The following LRRC4C variants were observed in gnomAD, a reference collection of about 807,000 sequenced individuals.
LRRC4C encodes the protein leucine rich repeat containing 4C.
LRRC4C carries 5 observed loss-of-function variants against 33.6 expected under a neutral mutation model. The ratio of observed to expected loss-of-function variants is 0.15; its 90% CI spans 0.08 to 0.31. The LOEUF (loss-of-function observed/expected upper bound fraction) is 0.31. LRRC4C is among the 10% of genes least tolerant of loss of function. LRRC4C has a pLI of 1.00. For missense variants in LRRC4C, 560 were observed against 796.7 expected (o/e 0.70, Z 3.58); for synonymous variants, 329 against 302.0 (o/e 1.09, Z -0.93).
intron 4 of LRRC4C, among the ~76,000 whole-genome samples, chr11:40,314,156 G>C (rs558139801): frequency 1.3e-5 from 2 of 151,396 alleles, no homozygotes; most frequent in South Asian, 4.2e-4. Context: ...CATCCTGACA[G>C]CAAAAAATAA....
intron 1 of LRRC4C, among the ~76,000 whole-genome samples, chr11:41,010,185 T>C (rs955455352): frequency 6.6e-6 from 1 of 152,158 alleles, no homozygotes; most frequent in Non-Finnish European, 1.5e-5. Flanking sequence ...ATAACACATT[T>C]ATGTTATTTT....
chr11:41,222,054 A>G (rs1004002613), intron 1 of LRRC4C, among the ~76,000 whole-genome samples: 1 of 152,226 alleles, frequency 6.6e-6, no homozygotes, highest in African/African-American at 2.4e-5. Flanking sequence ...GAGTAGAAGA[A>G]TGGTGAATTA....
chr11:40,929,953 A>G (rs1297520082), intron 2 of LRRC4C, among the ~76,000 whole-genome samples: 1 of 152,198 alleles, frequency 6.6e-6, no homozygotes. Context: ...AATCAATATG[A>G]AGCTAATTTA....
intron 3 of LRRC4C, among the ~76,000 whole-genome samples, chr11:40,571,328 T>A (rs144796572): frequency 0.056 from 8,450 of 152,202 alleles, 294 homozygotes; most frequent in Admixed American, 0.12. Flanking sequence ...AATTTTTTTT[T>A]AAATTTTTAG....
At chr11:41,024,937 T>G (rs1856238614) in intron 1 of LRRC4C, among the ~76,000 whole-genome samples, 1 of 151,616 alleles carries the variant, frequency 6.6e-6, no homozygotes, top group Non-Finnish European at 1.5e-5. Context: ...TGTTATTATA[T>G]CTGTTATGGT....
chr11:41,084,414 T>G (rs927246580), intron 1 of LRRC4C, among the ~76,000 whole-genome samples: 1 of 152,150 alleles, frequency 6.6e-6, no homozygotes, highest in African/African-American at 2.4e-5. Context: ...ATACTATATA[T>G]TAATATTAAA....
chr11:40,209,734 G>A (rs911039668), intron 5 of LRRC4C, among the ~76,000 whole-genome samples: 2 of 152,026 alleles, frequency 1.3e-5, no homozygotes, highest in African/African-American at 4.8e-5. Flanking sequence ...GCACTTTGCT[G>A]GATATGAGAG....
chr11:40,114,745 G>T lies in LRRC4C; in HGVS notation c.1548C>A (p.Ile516=). ...TIPVTDINSG[I]PGIDEVMKTT... is the part of the protein sequence containing the mutation. ...TCTTCATGACCTCATCAATTCCTGG[G>T]ATCCCACTGTTTATATCAGTCACTG... Residue 516 remains isoleucine (I), a synonymous_variant, in exon 7 of 7, where the codon ATC becomes ATA. Coordinates refer to ENST00000528697, the MANE Select transcript of LRRC4C (RefSeq NM_001258419.2). 1 of 1,614,126 alleles carries T rather than the reference G, an allele frequency of 6.2e-7. No homozygotes were observed. The highest frequency in any genetic ancestry group is 1.1e-5 in the South Asian group (1 of 91,074).
intron 1 of LRRC4C, among the ~76,000 whole-genome samples, chr11:41,113,442 A>G (rs1941953705): frequency 6.6e-6 from 1 of 152,120 alleles, no homozygotes; most frequent in Non-Finnish European, 1.5e-5. Flanking sequence ...TTGGAGGGAT[A>G]ATGGCTTTGT....
chr11:40,449,053 A>T (rs1951771170), intron 3 of LRRC4C, among the ~76,000 whole-genome samples: 1 of 152,106 alleles, frequency 6.6e-6, no homozygotes, highest in South Asian at 2.1e-4. Context: ...TCTTCTTTTG[A>T]GAAGTGTCTG....
intron 1 of LRRC4C, among the ~76,000 whole-genome samples, chr11:41,250,263 A>T (rs892502029): frequency 1.3e-5 from 2 of 152,224 alleles, no homozygotes; most frequent in Non-Finnish European, 2.9e-5. Flanking sequence ...GTTTCACAAA[A>T]GTTAGTGGAA....
intron 1 of LRRC4C, among the ~76,000 whole-genome samples, chr11:41,446,193 C>A (rs868438374): frequency 6.6e-6 from 1 of 152,138 alleles, no homozygotes; most frequent in African/African-American, 2.4e-5. Context: ...ACACAGTAGA[C>A]AACAACTTGA....
intron 5 of LRRC4C, among the ~76,000 whole-genome samples, chr11:40,183,580 CT>C (rs2135540540): frequency 6.6e-6 from 1 of 152,280 alleles, no homozygotes; most frequent in Non-Finnish European, 1.5e-5. Flanking sequence ...AGTTTATGGA[CT>C]GGAAAGTGGC....
intron 1 of LRRC4C, among the ~76,000 whole-genome samples, chr11:41,290,955 A>T (rs1949976658): frequency 6.6e-6 from 1 of 152,172 alleles, no homozygotes; most frequent in Non-Finnish European, 1.5e-5. Context: ...ATTCCAGAAC[A>T]TCAACTTTCC....
chr11:41,370,689 T>C (rs1046597331), intron 1 of LRRC4C, among the ~76,000 whole-genome samples: 6 of 152,094 alleles, frequency 3.9e-5, no homozygotes, highest in African/African-American at 1.4e-4. Flanking sequence ...AGTGTGAAAA[T>C]GGACTAATAT....
intron 3 of LRRC4C, among the ~76,000 whole-genome samples, chr11:40,537,091 G>T (rs1956505513): frequency 6.6e-6 from 1 of 152,226 alleles, no homozygotes; most frequent in South Asian, 2.1e-4. Context: ...AGCCATGGGG[G>T]GAATTAATGC....
intron 1 of LRRC4C, among the ~76,000 whole-genome samples, chr11:41,368,911 C>T (rs1952643196): frequency 6.6e-6 from 1 of 152,132 alleles, no homozygotes; most frequent in African/African-American, 2.4e-5. Context: ...TATGGCTGAC[C>T]TTTCACTTCT....
chr11:41,228,518 C>G (rs1947643669), intron 1 of LRRC4C, among the ~76,000 whole-genome samples: 1 of 152,118 alleles, frequency 6.6e-6, no homozygotes, highest in Non-Finnish European at 1.5e-5. Flanking sequence ...ATAGATATCT[C>G]ATCCTTAATT....
intron 4 of LRRC4C, among the ~76,000 whole-genome samples, chr11:40,276,671 AC>A (rs1412630327): frequency 1.5e-5 from 2 of 130,662 alleles, no homozygotes; most frequent in African/African-American, 5.6e-5. Flanking sequence ...TTGGTGGGAA[AC>A]AAGTGTGTGT....
Sources: allele counts gnomAD v4.1 joint callset (sites outside exome capture counted in the v4.1 genomes callset), GRCh38; gene constraint gnomAD v4.1.1; transcripts MANE v1.5; gene names NCBI Gene and HGNC (gene_info 2026-07-23, HGNC 2026-07-21).